The following FBXO36 variants were observed in gnomAD, a reference collection of about 807,000 sequenced individuals.
The protein encoded by FBXO36 is F-box only protein 36.
Under a neutral mutation model 17.0 loss-of-function variants are expected in FBXO36, and 18 were observed. The observed-to-expected ratio is 1.06, with a 90% CI of 0.73 to 1.57. The LOEUF (loss-of-function observed/expected upper bound fraction) is 1.57. Among genes scored for constraint, FBXO36 ranks in the 40% most tolerant of loss-of-function variants. The pLI, the probability that FBXO36 is intolerant of heterozygous loss-of-function variation, is 0.00. For missense variants in FBXO36, 229 were observed against 221.9 expected (o/e 1.03, Z -0.20); for synonymous variants, 83 against 85.3 (o/e 0.97, Z 0.15).
intron 3 of FBXO36, among the ~76,000 whole-genome samples, chr2:230,005,591 TCC>T (rs2077383109): frequency 4.6e-5 from 7 of 152,204 alleles, no homozygotes; most frequent in Admixed American, 4.6e-4. Flanking sequence ...AATATGCGCC[TCC>T]ATGCATATGG....
At chr2:229,983,434 G>T (rs1188196890) in intron 2 of FBXO36, among the ~76,000 whole-genome samples, 1 of 151,662 alleles carries the variant, frequency 6.6e-6, no homozygotes, top group Non-Finnish European at 1.5e-5. Flanking sequence ...GAGTATCTGG[G>T]AGTGCAGGTG....
At chr2:229,943,114 C>A (rs1464018612) in intron 1 of FBXO36, 1 of 152,194 alleles carries the variant, frequency 6.6e-6, no homozygotes. Flanking sequence ...TGATGTTAAC[C>A]AGGGTCCAGC....
chr2:229,958,613 G>A (rs938371005), intron 1 of FBXO36, among the ~76,000 whole-genome samples: 3 of 152,044 alleles, frequency 2.0e-5, no homozygotes, highest in Non-Finnish European at 4.4e-5. Flanking sequence ...CTTATCTGCA[G>A]ACACCTTGAG....
intron 1 of FBXO36, among the ~76,000 whole-genome samples, chr2:229,971,879 T>A (rs2106190945): frequency 6.6e-6 from 1 of 151,968 alleles, no homozygotes; most frequent in Admixed American, 6.6e-5. Flanking sequence ...GGCCTCACTG[T>A]GTTGACTAGG....
At chr2:229,922,727 C>T (rs1364533532) in intron 1 of FBXO36, 118 bp downstream of exon 1, 3 of 999,284 alleles carry the variant, frequency 3.0e-6, no homozygotes, top group Non-Finnish European at 2.9e-6. Context: ...CGCCCAGTCC[C>T]GGCTCCGCGC....
intron 1 of FBXO36, among the ~76,000 whole-genome samples, chr2:229,941,697 A>G (rs1577331506): frequency 6.6e-6 from 1 of 152,090 alleles, no homozygotes; most frequent in Non-Finnish European, 1.5e-5. Flanking sequence ...GCCTCTCCAC[A>G]ATTAATCTCA....
intron 1 of FBXO36, among the ~76,000 whole-genome samples, chr2:229,946,353 C>T (rs1270041441): frequency 6.6e-6 from 1 of 152,194 alleles, no homozygotes; most frequent in East Asian, 1.9e-4. Flanking sequence ...GCTACTCCTC[C>T]ACTTGGAACA....
intron 1 of FBXO36, among the ~76,000 whole-genome samples, chr2:229,967,739 T>C (rs1232742382): frequency 2.6e-5 from 4 of 152,208 alleles, no homozygotes; most frequent in Non-Finnish European, 1.5e-5. Flanking sequence ...CACTTGATCA[T>C]GGTGATAAGC....
chr2:229,965,317 C>T (rs2077146200), intron 1 of FBXO36, among the ~76,000 whole-genome samples: 1 of 149,536 alleles, frequency 6.7e-6, no homozygotes, highest in Admixed American at 6.7e-5. Flanking sequence ...TTTTTCCTGG[C>T]GTGAGGCATG....
chr2:229,958,380 C>T (rs1301853669), intron 1 of FBXO36, among the ~76,000 whole-genome samples: 1 of 147,410 alleles, frequency 6.8e-6, no homozygotes, highest in Admixed American at 7.0e-5. Flanking sequence ...AAGCAATTTT[C>T]CTGCGTCAGC....
chr2:229,942,496 T>G (rs897962424), intron 1 of FBXO36, among the ~76,000 whole-genome samples: 5 of 152,174 alleles, frequency 3.3e-5, no homozygotes, highest in Non-Finnish European at 7.4e-5. Flanking sequence ...TTCATGGAGA[T>G]CACCATGATT....
chr2:230,008,628 C>T (rs720042), intron 3 of FBXO36, among the ~76,000 whole-genome samples: 41,919 of 152,028 alleles, frequency 0.28, 6,087 homozygotes, highest in Middle Eastern at 0.38. Flanking sequence ...CTTGTAGTTT[C>T]CACCCATAAT....
In FBXO36 at chr2:230,002,532, C is replaced by T. The variant is rs577432557; in HGVS notation, c.378+5609C>T. ...CTGGGTAGCTGGGACTACAGGCCTG[C>T]GCCACCATACCCAGCTAATTTTTGT... On this transcript the variant is annotated intron_variant, in intron 3 of 3. Transcript: ENST00000283946. Among the ~76,000 whole-genome samples the T allele has an allele frequency of 1.1e-4, 17 of 152,122 alleles. No homozygotes were observed. In the South Asian group the frequency reaches 2.3e-3, roughly 20 times the overall value.
chr2:229,971,359 G>GAAA (rs1265894585), intron 1 of FBXO36, among the ~76,000 whole-genome samples: 1 of 88,352 alleles, frequency 1.1e-5, no homozygotes. Context: ...CATCTCAAAA[G>GAAA]AAAAAAAAAA....
In FBXO36 at chr2:229,944,392, CA is replaced by C. The variant is rs2077015309; in HGVS notation, c.96+21784del. Among the ~76,000 whole-genome samples the C allele has an allele frequency of 6.6e-5, 10 of 152,268 alleles. No individual in the cohort carries two copies. In the South Asian group the frequency reaches 2.1e-3, roughly 32 times the overall value. ...TTTAACAGTTTCATTTATGACTTTA[CA>C]GTTGTTTAATAAATATTACGGCATT... On this transcript the variant is annotated intron_variant, in intron 1 of 3. Coordinates refer to ENST00000283946, the MANE Select transcript of FBXO36 (RefSeq NM_174899.5).
chr2:229,974,310 G>C (rs1020638579), intron 1 of FBXO36, among the ~76,000 whole-genome samples: 2 of 152,086 alleles, frequency 1.3e-5, no homozygotes, highest in African/African-American at 4.8e-5. Flanking sequence ...CCTTAAGCAA[G>C]TGTTATATTC....
intron 1 of FBXO36, among the ~76,000 whole-genome samples, chr2:229,964,584 G>A (rs530093978): frequency 6.6e-5 from 10 of 152,256 alleles, no homozygotes; most frequent in East Asian, 5.8e-4. Context: ...CAGTTGGTGC[G>A]ATCTCGGCTT....
intron 2 of FBXO36, among the ~76,000 whole-genome samples, chr2:229,985,519 G>A (rs2077263926): frequency 6.6e-6 from 1 of 152,034 alleles, no homozygotes; most frequent in African/African-American, 2.4e-5. Context: ...TCTCTGATCA[G>A]CTGCCCTTTG....
chr2:229,983,592 C>A (rs1199471890), intron 2 of FBXO36, among the ~76,000 whole-genome samples: 1 of 152,176 alleles, frequency 6.6e-6, no homozygotes, highest in African/African-American at 2.4e-5. Context: ...CAGGTATGAG[C>A]CACTCAGCCT....
Sources: allele counts gnomAD v4.1 joint callset (sites outside exome capture counted in the v4.1 genomes callset), GRCh38; gene constraint gnomAD v4.1.1; transcripts MANE v1.5; gene names NCBI Gene and HGNC (gene_info 2026-07-23, HGNC 2026-07-21).